Variants in SPADH observed in about 807,000 individuals in gnomAD.
SPADH encodes CUB domain-containing protein.
chr10:122,676,802 C>T, the SPADH span: 3 of 985,248 alleles, frequency 3.0e-6, no homozygotes, highest in Non-Finnish European at 3.6e-6. Context: ...ATGGCAGGAT[C>T]TTCAACTACG....
At chr10:122,679,421 C>G in the SPADH span, among the ~76,000 whole-genome samples, 3 of 151,520 alleles carry the variant, frequency 2.0e-5, no homozygotes, top group Non-Finnish European at 4.4e-5. Flanking sequence ...AGTATATGAA[C>G]TATATACTAT....
the SPADH span, among the ~76,000 whole-genome samples, chr10:122,674,313 C>A: frequency 6.6e-6 from 1 of 152,244 alleles, no homozygotes; most frequent in Non-Finnish European, 1.5e-5. Flanking sequence ...GGAGTGATCA[C>A]TAGCCTCACA....
chr10:122,677,387 C>T, the SPADH span, among the ~76,000 whole-genome samples: 1 of 152,190 alleles, frequency 6.6e-6, no homozygotes, highest in Non-Finnish European at 1.5e-5. Context: ...AGATCTTTTT[C>T]TCACAGGGGT....
chr10:122,677,257 TC>T, the SPADH span, among the ~76,000 whole-genome samples: 7 of 152,264 alleles, frequency 4.6e-5, no homozygotes, highest in Middle Eastern at 6.8e-3. Flanking sequence ...CATCCTTCAA[TC>T]CCTGCCAGAC....
chr10:122,679,003 C>G, the SPADH span: 3 of 985,330 alleles, frequency 3.0e-6, no homozygotes, highest in Non-Finnish European at 3.6e-6. Flanking sequence ...ATCCACCCAC[C>G]TTCTTTGAAA....
the SPADH span, chr10:122,678,972 A>G: frequency 2.5e-5 from 25 of 985,192 alleles, no homozygotes; most frequent in Non-Finnish European, 3.0e-5. Context: ...ATCACCATCA[A>G]GTACTCCAGA....
the SPADH span, among the ~76,000 whole-genome samples, chr10:122,676,293 C>T: frequency 2.6e-5 from 4 of 152,152 alleles, no homozygotes; most frequent in Admixed American, 6.5e-5. Flanking sequence ...GTCACACTTT[C>T]GGAGCCTGAG....
the SPADH span, among the ~76,000 whole-genome samples, chr10:122,678,501 C>T: frequency 6.6e-6 from 1 of 152,120 alleles, no homozygotes; most frequent in African/African-American, 2.4e-5. Flanking sequence ...GGCTGCATTC[C>T]CTGTTTGGGG....
At chr10:122,675,403 T>G in the SPADH span, among the ~76,000 whole-genome samples, 121 of 152,282 alleles carry the variant, frequency 7.9e-4, 1 homozygote, top group East Asian at 0.02. Context: ...TGTGAATTTG[T>G]GAGTGCTGAG....
chr10:122,672,989 A>T, the SPADH span: 5 of 946,006 alleles, frequency 5.3e-6, no homozygotes, highest in Non-Finnish European at 6.3e-6. Context: ...TCAACTGCAG[A>T]GATTTTAAAA....
the SPADH span, chr10:122,676,777 A>G: frequency 9.1e-6 from 9 of 985,252 alleles, no homozygotes; most frequent in East Asian, 6.8e-4. Context: ...TGTGGGGGCC[A>G]CTACACAGAT....
chr10:122,672,960 C>T, the SPADH span: 3 of 983,406 alleles, frequency 3.1e-6, no homozygotes, highest in Non-Finnish European at 3.6e-6. Flanking sequence ...TTCTTCTGGG[C>T]CTCGCACTGT....
chr10:122,675,844 C>G, the SPADH span, among the ~76,000 whole-genome samples: 1 of 152,198 alleles, frequency 6.6e-6, no homozygotes, highest in African/African-American at 2.4e-5. Context: ...CTCCCACCCT[C>G]TCAGTGCTCC....
At chr10:122,677,539 G>A in the SPADH span, among the ~76,000 whole-genome samples, 1 of 152,200 alleles carries the variant, frequency 6.6e-6, no homozygotes, top group African/African-American at 2.4e-5. Context: ...AAGTGATAAA[G>A]CCACAGAAGG....
chr10:122,675,839 A>G, the SPADH span, among the ~76,000 whole-genome samples: 3 of 151,152 alleles, frequency 2.0e-5, no homozygotes, highest in African/African-American at 4.9e-5. Flanking sequence ...TCCCCCTCCC[A>G]CCCTCTCAGT....
the SPADH span, chr10:122,676,787 T>A: frequency 8.1e-6 from 8 of 985,250 alleles, no homozygotes; most frequent in Non-Finnish European, 8.4e-6. Context: ...ACTACACAGA[T>A]GAATATGGCA....
the SPADH span, chr10:122,678,708 T>G: frequency 1.9e-5 from 3 of 156,546 alleles, no homozygotes; most frequent in African/African-American, 7.2e-5. Flanking sequence ...CAAACTTTCC[T>G]TCTTTCGTTC....
the SPADH span, chr10:122,673,013 A>G: frequency 1.3e-6 from 1 of 784,350 alleles, no homozygotes; most frequent in Non-Finnish European, 1.5e-6. Context: ...GCTTATTGCC[A>G]AGGAAGAAGC....
chr10:122,676,399 G>T, the SPADH span, among the ~76,000 whole-genome samples: 82 of 152,328 alleles, frequency 5.4e-4, no homozygotes, highest in African/African-American at 1.9e-3. Flanking sequence ...TGTCCAGCCT[G>T]CCCTAAGAAA....
Sources: allele counts gnomAD v4.1 joint callset (sites outside exome capture counted in the v4.1 genomes callset), GRCh38; gene constraint gnomAD v4.1.1; transcripts MANE v1.5; gene names NCBI Gene and HGNC (gene_info 2026-07-23, HGNC 2026-07-21).